SLC16A5: variants seen among roughly 807,000 people sequenced by gnomAD.
The protein encoded by SLC16A5 is monocarboxylate transporter 6.
A neutral mutation model predicts 33.2 loss-of-function variants in SLC16A5; 29 were observed. The ratio of observed to expected loss-of-function variants is 0.87; its 90% CI spans 0.65 to 1.19. The LOEUF (loss-of-function observed/expected upper bound fraction) is 1.19. Among genes scored for constraint, SLC16A5 ranks in the 50% most tolerant of loss-of-function variants. The pLI is 0.00. For synonymous variants in SLC16A5, 248 were observed against 284.1 expected (o/e 0.87, Z 1.28); for missense variants, 606 against 678.2 (o/e 0.89, Z 1.18).
chr17:75,087,713 G>A (rs1038149268), upstream of SLC16A5: 5 of 152,282 alleles, frequency 3.3e-5, no homozygotes, highest in African/African-American at 1.2e-4. Flanking sequence ...CCTAGACCCT[G>A]AGCCGGGAAA....
At chr17:75,090,606 G>A (rs59993211) in intron 2 of SLC16A5, among the ~76,000 whole-genome samples, 11,852 of 151,674 alleles carry the variant, frequency 0.078, 1,565 homozygotes, top group African/African-American at 0.27. Context: ...GACTACAGGC[G>A]AGCCCCACCA....
downstream of SLC16A5, among the ~76,000 whole-genome samples, chr17:75,108,106 GAAA>G (rs937556114): frequency 6.6e-6 from 1 of 151,854 alleles, no homozygotes; most frequent in Non-Finnish European, 1.5e-5. Context: ...ATCTCAAAAA[GAAA>G]AAAAGGGAGA....
intron 2 of SLC16A5, among the ~76,000 whole-genome samples, chr17:75,090,747 C>T (rs1394352064): frequency 6.6e-6 from 1 of 152,116 alleles, no homozygotes; most frequent in African/African-American, 2.4e-5. Flanking sequence ...GTGTGAGCCA[C>T]CGCACCCGGC....
chr17:75,093,788 A>G lies in SLC16A5; in HGVS notation c.152A>G (p.Glu51Gly), dbSNP rs2073677539. The G allele has an allele frequency of 6.2e-7, 1 of 1,614,176 alleles. No homozygotes were observed. ...LQWEFQASNS[E>G]TSWFPSILTA... ...TGGGAGTTCCAGGCCAGCAACAGCG[A>G]GACCTCTTGGTTCCCCTCCATCCTC... The change falls in exon 3 of 7, where the codon GAG becomes GGG. Residue 51 changes from glutamate (E) to glycine (G), a missense_variant. Physicochemically the swap from Glu to Gly is moderately conservative, Grantham distance 98. Coordinates refer to ENST00000329783, the MANE Select transcript of SLC16A5 (RefSeq NM_004695.4).
downstream of SLC16A5, among the ~76,000 whole-genome samples, chr17:75,107,784 A>C (rs1161937539): frequency 6.6e-6 from 1 of 152,220 alleles, no homozygotes; most frequent in Non-Finnish European, 1.5e-5. Flanking sequence ...TAAAAATACA[A>C]ACATTAGCCG....
chr17:75,096,038 C>G lies in SLC16A5; in HGVS notation c.200-2000C>G, dbSNP rs377458537. On this transcript the variant is annotated intron_variant, in intron 3 of 6. Transcript: ENST00000329783. ...CAGGCTGGTCTCAAACTCCTGGGCT[C>G]AAGTGATCTACCTGCCTGGGCCTCT... 4.3e-3 allele frequency among the ~76,000 whole-genome samples: 653 copies of G among 151,866 alleles called. 13 individuals carry two copies. The highest frequency in any genetic ancestry group is 0.015 in the African/African-American group (623 of 41,196).
intron 3 of SLC16A5, 111 bp downstream of exon 3, chr17:75,093,946 G>T (rs2073681070): frequency 1.4e-6 from 2 of 1,448,634 alleles, no homozygotes; most frequent in Admixed American, 4.5e-5. Flanking sequence ...TTGCCTCCTG[G>T]GTGAATTCCT....
chr17:75,100,501 A>G lies in SLC16A5; in HGVS notation c.838A>G (p.Ile280Val). 1 of 1,614,168 alleles carries G rather than the reference A, an allele frequency of 6.2e-7. No individual in the cohort carries two copies. Among genetic ancestry groups the G allele is most frequent in the East Asian group, 2.2e-5 (1 of 44,884 alleles). Residue 280 changes from isoleucine to valine, a missense_variant, in exon 5 of 7, where the codon ATC (isoleucine) becomes GTC (valine). Coordinates refer to ENST00000329783, the MANE Select transcript of SLC16A5 (RefSeq NM_004695.4). ...GCAGGCAGCCCTCCTCATCTCCATC[A>G]TCGGCTTCAGCAACATCTTCCTGAG... ...EQQAALLISI[I>V]GFSNIFLRPL...
chr17:75,088,838 G>A (rs922291973), intron 1 of SLC16A5: 6 of 152,236 alleles, frequency 3.9e-5, no homozygotes, highest in African/African-American at 1.2e-4. Context: ...CAGGGGCAGG[G>A]AAAGGATTCC....
chr17:75,110,137 C>T (rs540300515), downstream of SLC16A5: 93 of 686,020 alleles, frequency 1.4e-4, 1 homozygote, highest in South Asian at 1.7e-3. Context: ...CTGCAAATTA[C>T]TGCAGAATCT....
In SLC16A5 at chr17:75,090,546, C is replaced by T. The variant is rs754469254; in HGVS notation, c.-49+1242C>T. Among the ~76,000 whole-genome samples the T allele has an allele frequency of 1.4e-4, 21 of 151,630 alleles. No homozygotes were observed. The South Asian group carries it at 2.3e-3, about 17-fold the overall frequency. ...TGCGATCTTGGCTCACCATAACCTC[C>T]GCCTCCCGGGTTCAAGCGATTCTCC... On this transcript the variant is annotated intron_variant, in intron 2 of 6. Coordinates refer to ENST00000329783, the MANE Select transcript of SLC16A5 (RefSeq NM_004695.4).
Position 75,100,647 on chromosome 17 carries a change from C to T in SLC16A5, c.984C>T (p.Phe328=). The part of the protein sequence containing the change: ...TNLVCAASGD[F]WVLVGYCLAY... ...TGGTGTGTGCGGCATCAGGTGACTT[C>T]TGGGTGCTCGTGGGCTACTGCCTGG... The change falls in exon 5 of 7, where the codon TTC becomes TTT. Residue 328 remains phenylalanine (F), a synonymous_variant. Coordinates refer to ENST00000329783, the MANE Select transcript of SLC16A5 (RefSeq NM_004695.4). 2 of 1,614,224 alleles carry T rather than the reference C, an allele frequency of 1.2e-6. No individual in the cohort carries two copies. Among genetic ancestry groups the T allele is most frequent in the Non-Finnish European group, 1.7e-6 (2 of 1,180,038 alleles).
At chr17:75,106,801 A>G (rs2073867939), downstream of SLC16A5, among the ~76,000 whole-genome samples, 1 of 152,102 alleles carries the variant, frequency 6.6e-6, no homozygotes, top group African/African-American at 2.4e-5. Flanking sequence ...AGGCTGAGGC[A>G]GGAAATTTGC....
intron 2 of SLC16A5, among the ~76,000 whole-genome samples, chr17:75,091,524 G>A (rs185520788): frequency 6.6e-6 from 1 of 152,186 alleles, no homozygotes; most frequent in South Asian, 2.1e-4. Context: ...GGTCACCTTG[G>A]TGGGGCTCCC....
chr17:75,096,904 C>G (rs1433356028), intron 3 of SLC16A5, among the ~76,000 whole-genome samples: 3 of 132,928 alleles, frequency 2.3e-5, no homozygotes, highest in Non-Finnish European at 3.1e-5. Context: ...TGGAGCGCAT[C>G]GGGTTCTGCC....
intron 4 of SLC16A5, among the ~76,000 whole-genome samples, chr17:75,098,917 G>T (rs1424608268): frequency 6.6e-6 from 1 of 152,096 alleles, no homozygotes; most frequent in Admixed American, 6.6e-5. Context: ...TAGGGAGGAG[G>T]TGTTGGGGGG....
intron 2 of SLC16A5, among the ~76,000 whole-genome samples, chr17:75,092,287 A>G (rs537029123): frequency 6.6e-6 from 1 of 150,740 alleles, no homozygotes; most frequent in Admixed American, 6.6e-5. Context: ...GTGAGTGTCT[A>G]CGCATCTGTG....
At chr17:75,104,378 C>G (rs900695898) in intron 6 of SLC16A5, 198 bp downstream of exon 6, 1 of 1,363,828 alleles carries the variant, frequency 7.3e-7, no homozygotes, top group African/African-American at 1.5e-5. Flanking sequence ...GGAGCTGGGA[C>G]TTTGGAGGCT....
chr17:75,099,788 G>C (rs766116253), intron 4 of SLC16A5, among the ~76,000 whole-genome samples: 2 of 152,206 alleles, frequency 1.3e-5, no homozygotes, highest in African/African-American at 2.4e-5. Flanking sequence ...AGGGGAACAG[G>C]GATGCCCTGG....
Sources: allele counts gnomAD v4.1 joint callset (sites outside exome capture counted in the v4.1 genomes callset), GRCh38; gene constraint gnomAD v4.1.1; transcripts MANE v1.5; gene names NCBI Gene and HGNC (gene_info 2026-07-23, HGNC 2026-07-21).